MACROD2: variants seen among roughly 807,000 people sequenced by gnomAD.
The protein encoded by MACROD2 is ADP-ribose glycohydrolase MACROD2.
A neutral mutation model predicts 70.4 loss-of-function variants in MACROD2; 36 were observed. The observed-to-expected ratio is 0.51, with a 90% CI of 0.39 to 0.68. The LOEUF is 0.68. Ranked by LOEUF, MACROD2 falls within the 30% of genes least tolerant of loss-of-function variation. MACROD2 has a pLI of 0.00. For synonymous variants in MACROD2, 172 were observed against 178.8 expected, an observed-to-expected ratio of 0.96 and a Z score of 0.30; for missense variants, 496 against 538.4, an observed-to-expected ratio of 0.92 and a Z score of 0.78.
chr20:15,993,611 A>G (rs2066589474), intron 15 of MACROD2, among the ~76,000 whole-genome samples: 1 of 152,146 alleles, frequency 6.6e-6, no homozygotes, highest in South Asian at 2.1e-4. Flanking sequence ...ACCTTAAGCA[A>G]TACATCACTG....
chr20:16,028,929 C>T (rs1838978232), intron 15 of MACROD2, among the ~76,000 whole-genome samples: 1 of 152,182 alleles, frequency 6.6e-6, no homozygotes, highest in African/African-American at 2.4e-5. Context: ...TATCCATCTG[C>T]TCGGCTGCCA....
intron 2 of MACROD2, among the ~76,000 whole-genome samples, chr20:14,058,733 TC>T (rs1282583159): frequency 6.7e-6 from 1 of 149,834 alleles, no homozygotes; most frequent in Non-Finnish European, 1.5e-5. Context: ...AACCTCTGCC[TC>T]CCAGGTTCAA....
chr20:14,771,644 TACACACAC>T (rs745602537), intron 5 of MACROD2, among the ~76,000 whole-genome samples: 1 of 141,682 alleles, frequency 7.1e-6, no homozygotes, highest in Non-Finnish European at 1.6e-5. Flanking sequence ...TATCCAAAAA[TACACACAC>T]ACACACACAC....
At chr20:15,554,479 C>G (rs750422232) in intron 8 of MACROD2, among the ~76,000 whole-genome samples, 17 of 150,354 alleles carry the variant, frequency 1.1e-4, no homozygotes, top group Non-Finnish European at 2.4e-4. Flanking sequence ...GGTATGTTAA[C>G]TTTTCCATCA....
intron 4 of MACROD2, among the ~76,000 whole-genome samples, chr20:14,584,793 T>G (rs887292962): frequency 1.3e-5 from 2 of 152,210 alleles, no homozygotes. Context: ...TTATTATACC[T>G]AGCAATCCAG....
intron 3 of MACROD2, among the ~76,000 whole-genome samples, chr20:14,429,669 T>C (rs2083973820): frequency 1.3e-5 from 2 of 152,302 alleles, no homozygotes; most frequent in South Asian, 4.1e-4. Context: ...CAGCACCTTT[T>C]TGCTTTTCTG....
chr20:14,704,780 T>C (rs1428666055), intron 5 of MACROD2, among the ~76,000 whole-genome samples: 3 of 152,166 alleles, frequency 2.0e-5, no homozygotes, highest in Non-Finnish European at 4.4e-5. Flanking sequence ...TGGAACCAAG[T>C]AATGCAACAT....
chr20:14,017,029 G>A (rs2053002747), intron 2 of MACROD2, among the ~76,000 whole-genome samples: 1 of 152,002 alleles, frequency 6.6e-6, no homozygotes, highest in African/African-American at 2.4e-5. Flanking sequence ...TTTTAGCACT[G>A]TTTTGTAGTT....
chr20:15,355,847 T>A lies in MACROD2; in HGVS notation c.541-75558T>A, dbSNP rs577869685. 1.4e-3 allele frequency among the ~76,000 whole-genome samples: 208 copies of A among 152,298 alleles called. 1 individual carries two copies. Among genetic ancestry groups the A allele is most frequent in the African/African-American group, 4.8e-3 (198 of 41,570 alleles). On this transcript the variant is annotated intron_variant, in intron 6 of 17. Coordinates refer to ENST00000684519, the MANE Select transcript of MACROD2 (RefSeq NM_001351661.2). ...AAGTCCCTTTCAGGAATTAGGAAAA[T>A]TTATTTTTTATTCTTGTGCAAGCAT... is the stretch of plus-strand genomic sequence containing the variant.
chr20:14,936,564 C>G lies in MACROD2; in HGVS notation c.418+251605C>G, dbSNP rs143046715. Among the ~76,000 whole-genome samples the G allele has an allele frequency of 2.5e-3, 373 of 152,046 alleles. 3 individuals are homozygous for G. The highest frequency in any genetic ancestry group is 8.6e-3 in the African/African-American group (357 of 41,466). ...AAGCTTTACTAGTAAATCTTTGTAG[C>G]TCTCTCTCCTCCAGGAGCTGATCCA... On this transcript the variant is annotated intron_variant, in intron 5 of 17. Coordinates refer to ENST00000684519, the MANE Select transcript of MACROD2 (RefSeq NM_001351661.2).
chr20:15,726,407 T>A (rs1395886398), intron 8 of MACROD2, among the ~76,000 whole-genome samples: 1 of 152,148 alleles, frequency 6.6e-6, no homozygotes, highest in Non-Finnish European at 1.5e-5. Context: ...TGTACATGTG[T>A]CTTTATGGTA....
intron 15 of MACROD2, among the ~76,000 whole-genome samples, chr20:16,011,767 C>A (rs2147528196): frequency 6.6e-6 from 1 of 152,342 alleles, no homozygotes; most frequent in Non-Finnish European, 1.5e-5. Context: ...CAGTCCTTGA[C>A]TGGGAGCTGC....
chr20:15,613,214 G>A (rs746292853), intron 8 of MACROD2, among the ~76,000 whole-genome samples: 4 of 152,124 alleles, frequency 2.6e-5, no homozygotes, highest in Non-Finnish European at 4.4e-5. Flanking sequence ...GAAAATAATG[G>A]CTTTATAGTT....
chr20:14,053,210 AAG>A (rs1451036471), intron 2 of MACROD2: 2 of 152,078 alleles, frequency 1.3e-5, no homozygotes, highest in African/African-American at 2.4e-5. Flanking sequence ...AAGAAGGAAA[AAG>A]AAATACTGTT....
chr20:16,020,276 C>A (rs2066983447), intron 15 of MACROD2, among the ~76,000 whole-genome samples: 1 of 152,102 alleles, frequency 6.6e-6, no homozygotes, highest in South Asian at 2.1e-4. Context: ...CCTGTGCCTT[C>A]TGCTCTGGGC....
At chr20:15,645,595 G>T (rs1296513689) in intron 8 of MACROD2, among the ~76,000 whole-genome samples, 1 of 152,192 alleles carries the variant, frequency 6.6e-6, no homozygotes, top group Non-Finnish European at 1.5e-5. Context: ...GAGGAGAGAT[G>T]AATATTACAG....
intron 5 of MACROD2, among the ~76,000 whole-genome samples, chr20:15,008,884 T>A (rs725171): frequency 2.6e-5 from 4 of 152,270 alleles, no homozygotes; most frequent in Admixed American, 2.6e-4. Context: ...GTTGGATGGA[T>A]TTTTTTCCTT....
At chr20:15,286,766 C>T (rs1444320634) in intron 6 of MACROD2, among the ~76,000 whole-genome samples, 1 of 152,172 alleles carries the variant, frequency 6.6e-6, no homozygotes, top group East Asian at 1.9e-4. Flanking sequence ...GTAAAAGTTT[C>T]TTAGATCTGG....
At chr20:15,959,052 A>G (rs1490594541) in intron 12 of MACROD2, among the ~76,000 whole-genome samples, 1 of 152,234 alleles carries the variant, frequency 6.6e-6, no homozygotes, top group Non-Finnish European at 1.5e-5. Flanking sequence ...AAAATCTATT[A>G]TAATAATTTC....
Sources: allele counts gnomAD v4.1 joint callset (sites outside exome capture counted in the v4.1 genomes callset), GRCh38; gene constraint gnomAD v4.1.1; transcripts MANE v1.5; gene names NCBI Gene and HGNC (gene_info 2026-07-23, HGNC 2026-07-21).